SH3RF3: variants seen among roughly 807,000 people sequenced by gnomAD.
SH3RF3 encodes the protein SH3 domain containing ring finger 3.
A neutral mutation model predicts 66.3 loss-of-function variants in SH3RF3; 29 were observed. That is an observed-to-expected ratio of 0.44 (90% CI 0.33 to 0.60). The LOEUF (loss-of-function observed/expected upper bound fraction) is 0.60, where lower values mean the gene tolerates loss of function less well. Ranked by LOEUF, SH3RF3 falls within the 20% of genes least tolerant of loss-of-function variation. SH3RF3 has a pLI of 0.04. For missense variants in SH3RF3, 1,194 were observed against 1,190.9 expected, an observed-to-expected ratio of 1.00 and a Z score of -0.04; for synonymous variants, 583 against 532.0, an observed-to-expected ratio of 1.10 and a Z score of -1.32.
intron 2 of SH3RF3, among the ~76,000 whole-genome samples, chr2:109,361,560 G>T (rs988717243): frequency 6.6e-6 from 1 of 151,970 alleles, no homozygotes; most frequent in African/African-American, 2.4e-5. Flanking sequence ...TGCAACCTCC[G>T]CCTCCCTGGT....
At chr2:109,199,622 T>TCAACC in intron 1 of SH3RF3, among the ~76,000 whole-genome samples, 9 of 126 alleles carry the variant, frequency 0.071, 1 homozygote, top group East Asian at 0.25. Flanking sequence ...TGGAATGGAA[T>TCAACC]GGAATGGAAT....
At chr2:109,142,051 G>GT (rs911555269) in intron 1 of SH3RF3, among the ~76,000 whole-genome samples, 1 of 151,540 alleles carries the variant, frequency 6.6e-6, no homozygotes, top group Non-Finnish European at 1.5e-5. Context: ...CCTGGGGGGG[G>GT]GGTCTCAGGT....
chr2:109,294,560 C>CA (rs559065417), intron 1 of SH3RF3, among the ~76,000 whole-genome samples: 197 of 100,528 alleles, frequency 2.0e-3, no homozygotes, highest in Admixed American at 4.5e-3. Context: ...GACTCAGTCT[C>CA]AAAAAAAAAA....
At chr2:109,156,690 G>A (rs544437043) in intron 1 of SH3RF3, among the ~76,000 whole-genome samples, 8 of 152,198 alleles carry the variant, frequency 5.3e-5, no homozygotes, top group Admixed American at 3.3e-4. Flanking sequence ...AGGTGATCTC[G>A]CCTCGGCCTC....
At chr2:109,161,595 C>A (rs905940203) in intron 1 of SH3RF3, among the ~76,000 whole-genome samples, 1 of 151,844 alleles carries the variant, frequency 6.6e-6, no homozygotes, top group Admixed American at 6.6e-5. Flanking sequence ...TTATTTGGGT[C>A]ACAATTCTGC....
In SH3RF3 at chr2:109,347,939, C is replaced by T; in HGVS notation, c.839C>T (p.Thr280Ile). Residue 280 changes from threonine (T) to isoleucine (I), a missense_variant, in exon 2 of 10, where the codon ACC becomes ATC. Thr to Ile is a moderately conservative substitution (Grantham distance 89, BLOSUM62 -1). Transcript: ENST00000309415. Reference protein sequence around the residue: ...KDKDQDKDCLTFTKDEILTVL... With the variant: ...KDKDQDKDCLIFTKDEILTVL... ...AAAGACCAAGACAAGGACTGTCTGA[C>T]CTTCACCAAGGTAAGGTGAGCCCCG... 6.2e-7 allele frequency: 1 copy of T among 1,603,632 alleles called. No individual in the cohort carries two copies. The highest frequency in any genetic ancestry group is 8.5e-7 in the Non-Finnish European group (1 of 1,175,330).
At chr2:109,195,802 C>T (rs1196833069) in intron 1 of SH3RF3, among the ~76,000 whole-genome samples, 1 of 152,200 alleles carries the variant, frequency 6.6e-6, no homozygotes, top group Non-Finnish European at 1.5e-5. Context: ...AGAATCTCCC[C>T]TCTACTTTTA....
intron 9 of SH3RF3, among the ~76,000 whole-genome samples, chr2:109,499,251 G>A (rs552695044): frequency 6.6e-6 from 1 of 152,266 alleles, no homozygotes; most frequent in East Asian, 1.9e-4. Flanking sequence ...TGGGTACCCG[G>A]GCAGTCCAGT....
At chr2:109,449,676 A>G (rs1450217004) in intron 8 of SH3RF3, among the ~76,000 whole-genome samples, 187 bp downstream of exon 8, 2 of 152,202 alleles carry the variant, frequency 1.3e-5, no homozygotes, top group African/African-American at 4.8e-5. Context: ...TTGGAGAGGA[A>G]TCAGGCAGGC....
chr2:109,214,861 G>C (rs1337372142), intron 1 of SH3RF3, among the ~76,000 whole-genome samples: 15 of 152,210 alleles, frequency 9.9e-5, no homozygotes, highest in African/African-American at 1.4e-4. Flanking sequence ...GGGTGACGCG[G>C]ACAGCAGTGT....
Position 109,403,991 on chromosome 2 carries a change from A to G in SH3RF3, c.1299+5048A>G, listed in dbSNP as rs548542497. ...TGGTGGCTCTTTCTGCTGCTCAGGG[A>G]ATCAGGGAATGAATCACCAGTCCAA... On this transcript the variant is annotated intron_variant, in intron 4 of 9. Transcript: ENST00000309415. Among the ~76,000 whole-genome samples the G allele has an allele frequency of 5.9e-5, 9 of 152,194 alleles. No homozygotes were observed. In the South Asian group the frequency reaches 1.7e-3, roughly 28 times the overall value.
intron 8 of SH3RF3, among the ~76,000 whole-genome samples, chr2:109,452,967 C>G (rs1246032176): frequency 3.3e-5 from 5 of 149,932 alleles, no homozygotes. Flanking sequence ...CCCTGGGAGG[C>G]TGGTCCCTGG....
intron 1 of SH3RF3, among the ~76,000 whole-genome samples, chr2:109,297,982 A>G (rs1054936161): frequency 6.6e-6 from 1 of 152,168 alleles, no homozygotes; most frequent in Non-Finnish European, 1.5e-5. Context: ...TGCCCCAGGC[A>G]GCCTTGGGTT....
At chr2:109,415,952 C>G (rs1676711938) in intron 4 of SH3RF3, among the ~76,000 whole-genome samples, 1 of 152,154 alleles carries the variant, frequency 6.6e-6, no homozygotes, top group Non-Finnish European at 1.5e-5. Flanking sequence ...TTCATGGGAG[C>G]AGGGCTGGTG....
intron 1 of SH3RF3, among the ~76,000 whole-genome samples, chr2:109,196,034 A>G (rs1367478183): frequency 6.6e-6 from 1 of 152,150 alleles, no homozygotes; most frequent in Admixed American, 6.5e-5. Flanking sequence ...CTGTTTTTCC[A>G]AAGTGGGAAT....
chr2:109,224,074 T>C (rs1038981835), intron 1 of SH3RF3, among the ~76,000 whole-genome samples: 1 of 152,222 alleles, frequency 6.6e-6, no homozygotes, highest in Non-Finnish European at 1.5e-5. Context: ...CTGGAATAGC[T>C]TCAGGGTTTA....
At chr2:109,477,728 C>T (rs1440039437) in intron 8 of SH3RF3, among the ~76,000 whole-genome samples, 1 of 152,110 alleles carries the variant, frequency 6.6e-6, no homozygotes, top group Non-Finnish European at 1.5e-5. Context: ...GATTCGGTGT[C>T]TGGTGAGGAC....
chr2:109,430,899 A>T (rs1392862843), intron 5 of SH3RF3, among the ~76,000 whole-genome samples: 1 of 152,196 alleles, frequency 6.6e-6, no homozygotes, highest in Non-Finnish European at 1.5e-5. Flanking sequence ...GCATGTCCCT[A>T]GGAGGAGGGC....
intron 5 of SH3RF3, among the ~76,000 whole-genome samples, chr2:109,424,424 AC>A (rs1676976117): frequency 6.6e-6 from 1 of 152,206 alleles, no homozygotes; most frequent in Admixed American, 6.5e-5. Context: ...CAGCAGAAAC[AC>A]AGGCAAACCT....
Sources: gnomAD v4.1 joint callset for allele counts (sites outside exome capture counted in the v4.1 genomes callset) on GRCh38, gnomAD v4.1.1 for gene constraint, MANE v1.5 for transcripts, NCBI Gene and HGNC (gene_info 2026-07-23, HGNC 2026-07-21) for gene names.